The following TPO variants were observed in gnomAD, a reference collection of about 807,000 sequenced individuals.
TPO encodes thyroid microsomal antigen.
A neutral mutation model predicts 96.9 loss-of-function variants in TPO; 78 were observed. The observed-to-expected ratio is 0.81, with a 90% confidence interval of 0.67 to 0.97. TPO has a LOEUF of 0.97. Ranked by LOEUF, TPO falls within the 50% of genes least tolerant of loss-of-function variation. The pLI, the probability that TPO is intolerant of heterozygous loss-of-function variation, is 0.00. For missense variants in TPO, 1,252 were observed against 1,274.8 expected (o/e 0.98, Z 0.27); for synonymous variants, 547 against 538.0 (o/e 1.02, Z -0.23).
intron 7 of TPO, among the ~76,000 whole-genome samples, chr2:1,462,847 A>G (rs1361347803): frequency 6.6e-6 from 1 of 152,176 alleles, no homozygotes; most frequent in Admixed American, 6.5e-5. Flanking sequence ...ATACTGAAAA[A>G]CTTTAAACGT....
intron 1 of TPO, among the ~76,000 whole-genome samples, chr2:1,377,905 C>A (rs545991683): frequency 3.9e-5 from 6 of 152,296 alleles, no homozygotes; most frequent in African/African-American, 1.4e-4. Flanking sequence ...ACCCAAATCT[C>A]ATCTTGAATT....
intron 7 of TPO, among the ~76,000 whole-genome samples, chr2:1,469,750 G>T (rs1317952043): frequency 6.6e-6 from 1 of 152,172 alleles, no homozygotes; most frequent in East Asian, 1.9e-4. Context: ...TCCGCAGTGG[G>T]GGTGCATGTT....
At chr2:1,381,311 A>G (rs1661808611) in intron 1 of TPO, among the ~76,000 whole-genome samples, 1 of 152,216 alleles carries the variant, frequency 6.6e-6, no homozygotes, top group Admixed American at 6.5e-5. Flanking sequence ...TAAATTTACA[A>G]GAAAAAAACA....
intron 14 of TPO, among the ~76,000 whole-genome samples, chr2:1,505,242 C>A (rs1673287665): frequency 6.6e-6 from 1 of 151,748 alleles, no homozygotes; most frequent in Admixed American, 6.6e-5. Context: ...AGGCATACAC[C>A]CCCTTCCTGT....
At position 1,436,232 on chromosome 2, in the gene TPO, T is replaced by C. The variant is rs1665555169; in HGVS notation, c.350-20T>C. The C allele has an allele frequency of 4.3e-6, 7 of 1,614,172 alleles. No individual in the cohort carries two copies. The highest frequency in any genetic ancestry group is 2.2e-5 in the East Asian group (1 of 44,888). ...TTTGTGGTTACAAGCACAGAATTCA[T>C]GGTTTCCTATTTTTCACAGATGCTT... On this transcript the variant is annotated intron_variant, in intron 4 of 16. Coordinates refer to ENST00000329066, the MANE Select transcript of TPO (RefSeq NM_001206744.2).
chr2:1,380,393 C>CA (rs35109677), intron 1 of TPO, among the ~76,000 whole-genome samples: 3,903 of 94,732 alleles, frequency 0.041, 169 homozygotes, highest in African/African-American at 0.1. Context: ...GACTCTGTCT[C>CA]AAAAAAAAAA....
chr2:1,391,001 G>A (rs1423916895), intron 1 of TPO, among the ~76,000 whole-genome samples: 4 of 152,136 alleles, frequency 2.6e-5, no homozygotes, highest in Non-Finnish European at 5.9e-5. Flanking sequence ...TCTGATGGTA[G>A]TTTCTTTTGC....
intron 1 of TPO, among the ~76,000 whole-genome samples, chr2:1,392,194 T>C (rs1253818399): frequency 6.6e-6 from 1 of 152,210 alleles, no homozygotes; most frequent in African/African-American, 2.4e-5. Context: ...ACCCAGTTTA[T>C]TGAGAGTTTT....
At chr2:1,508,353 G>T (rs1186006061) in intron 14 of TPO, among the ~76,000 whole-genome samples, 3 of 152,044 alleles carry the variant, frequency 2.0e-5, no homozygotes, top group Admixed American at 6.5e-5. Context: ...TCTCTTTTTT[G>T]GTTGTGTCTC....
At position 1,384,123 on chromosome 2, in the gene TPO, T is replaced by G. The variant is rs555392784; in HGVS notation, n.180+9721T>G. Among the ~76,000 whole-genome samples, 1,054 of 152,344 alleles carry G rather than the reference T, an allele frequency of 6.9e-3. 11 individuals are homozygous for G. Among genetic ancestry groups the G allele is most frequent in the African/African-American group, 0.023 (965 of 41,580 alleles). On this transcript the variant is annotated intron_variant and non_coding_transcript_variant, in intron 1 of 5. Transcript: ENST00000497517. ...CATGCTGTTTTGGTTACTGTAGCCT[T>G]GTAGTATAGTTTGAAGTCAGGTAGC...
intron 15 of TPO, among the ~76,000 whole-genome samples, chr2:1,525,971 CT>C: frequency 7.3e-6 from 1 of 137,496 alleles, no homozygotes; most frequent in Non-Finnish European, 1.6e-5. Context: ...CTTCCCAAAT[CT>C]CCCCACTGTG....
intron 5 of TPO, 23 bp from the exon 6 acceptor site, chr2:1,453,670 AC>A (rs1357980420): frequency 1.2e-6 from 2 of 1,613,704 alleles, no homozygotes; most frequent in East Asian, 2.2e-5. Context: ...CATCTCAAAC[AC>A]ATCCTTGCAT....
rs1670101901 is a variant in TPO, at chr2:1,477,604, G to T, written c.1338G>T (p.Gln446His). 2.0e-6 allele frequency: 3 copies of T among 1,517,644 alleles called. No homozygotes were observed. The highest frequency in any genetic ancestry group is 2.6e-6 in the Non-Finnish European group (3 of 1,138,490). The allele number at this position is 1,517,644 out of a possible 1,614,324, so 94.0% of individuals were successfully genotyped here. Residue 446 changes from glutamine to histidine, a missense_variant and splice_region_variant, in exon 8 of 17, where the codon CAG becomes CAT. Physicochemically the swap from Gln to His is conservative, Grantham distance 24 (BLOSUM62 0). Transcript: ENST00000329066. Reference sequence around the variant, plus strand: ...GCAAGGTCGTGGGCGCTCTGCACCAGGTGCGCGGGGTGGTCCTGGGCGCCC... The same window carrying T: ...GCAAGGTCGTGGGCGCTCTGCACCATGTGCGCGGGGTGGTCCTGGGCGCCC... ...EARKVVGALH[Q>H]IITLRDYIPR...
chr2:1,400,584 A>AAG (rs1553292854), intron 1 of TPO, among the ~76,000 whole-genome samples: 9 of 150,420 alleles, frequency 6.0e-5, no homozygotes, highest in African/African-American at 2.2e-4. Flanking sequence ...AAAAAAAAAA[A>AAG]AAAAGAAATA....
intron 5 of TPO, 102 bp from the exon 6 acceptor site, chr2:1,453,591 GA>G (rs1353319778): frequency 1.3e-6 from 2 of 1,587,248 alleles, no homozygotes; most frequent in African/African-American, 1.3e-5. Flanking sequence ...CCTCCGGAGA[GA>G]CCCCACTTAT....
chr2:1,405,796 C>T (rs948489432), intron 1 of TPO, among the ~76,000 whole-genome samples: 2 of 152,160 alleles, frequency 1.3e-5, no homozygotes, highest in African/African-American at 2.4e-5. Flanking sequence ...CAGAACTTGA[C>T]CCTAAAGAAG....
intron 14 of TPO, among the ~76,000 whole-genome samples, chr2:1,507,948 T>C (rs1385295168): frequency 6.6e-6 from 1 of 152,220 alleles, no homozygotes; most frequent in Non-Finnish European, 1.5e-5. Context: ...AGAGAAGGCA[T>C]CCCTGTTTTG....
intron 15 of TPO, among the ~76,000 whole-genome samples, chr2:1,518,426 T>C (rs1158064488): frequency 6.6e-6 from 1 of 152,224 alleles, no homozygotes; most frequent in Non-Finnish European, 1.5e-5. Context: ...CTGTTGTTTT[T>C]ATTTTTGTGA....
chr2:1,493,735 T>G, intron 10 of TPO, 67 bp from the exon 11 acceptor site: 2 of 1,575,522 alleles, frequency 1.3e-6, no homozygotes, highest in Non-Finnish European at 1.7e-6. Context: ...GACCATGGCA[T>G]GAGTGAGATG....
Sources: allele counts gnomAD v4.1 joint callset (sites outside exome capture counted in the v4.1 genomes callset), GRCh38; gene constraint gnomAD v4.1.1; transcripts MANE v1.5; gene names NCBI Gene and HGNC (gene_info 2026-07-23, HGNC 2026-07-21).